Variants in C11orf65 observed in about 807,000 individuals in gnomAD.
The protein encoded by C11orf65 is protein MFI.
Under a neutral mutation model 35.3 loss-of-function variants are expected in C11orf65, and 38 were observed. The observed-to-expected ratio is 1.08, with a 90% CI of 0.83 to 1.41. The LOEUF is 1.41. C11orf65 is among the 40% of genes most tolerant of loss of function. The probability of loss-of-function intolerance (pLI) is 0.00; values close to 1 mark genes in which losing one functional copy is unlikely to be tolerated. For missense variants in C11orf65, 370 were observed against 367.1 expected, an observed-to-expected ratio of 1.01 and a Z score of -0.06; for synonymous variants, 105 against 114.4, an observed-to-expected ratio of 0.92 and a Z score of 0.53.
chr11:108,344,197 C>T (rs1298366409), intron 2 of C11orf65, among the ~76,000 whole-genome samples: 1 of 152,062 alleles, frequency 6.6e-6, no homozygotes, highest in Non-Finnish European at 1.5e-5. Flanking sequence ...GTACAGGGCA[C>T]ACAGGGTACA....
chr11:108,442,355 T>C (rs2093168538), intron 2 of C11orf65, among the ~76,000 whole-genome samples: 1 of 152,216 alleles, frequency 6.6e-6, no homozygotes, highest in African/African-American at 2.4e-5. Context: ...CTGATTGGTG[T>C]ACCTGAAAGT....
intron 2 of C11orf65, among the ~76,000 whole-genome samples, chr11:108,461,104 TA>T (rs546480247): frequency 2.4e-4 from 36 of 152,058 alleles, no homozygotes; most frequent in Non-Finnish European, 3.4e-4. Context: ...ACACTTTATA[TA>T]AAAAGTATTG....
chr11:108,461,374 T>C lies in C11orf65; in HGVS notation c.81+105A>G, dbSNP rs1021548634. 13 of 866,806 alleles carry C rather than the reference T, an allele frequency of 1.5e-5. No homozygotes were observed. In the South Asian group the frequency reaches 1.8e-4, roughly 12 times the overall value. 53.7% of individuals were successfully genotyped at this position (866,806 alleles called of 1,614,324 possible). A position where few individuals can be genotyped will look rare whatever the true frequency, so the allele number is the denominator to read the frequency against. On this transcript the variant is annotated intron_variant, in intron 2 of 8. Transcript: ENST00000393084. ...AATATCATGCCACTGCACTCCAGCCTAGGCAACAGAGAGAGATTCTGTCTT... is the reference window on the plus strand; with the variant it reads ...AATATCATGCCACTGCACTCCAGCCCAGGCAACAGAGAGAGATTCTGTCTT...
intron 3 of C11orf65, among the ~76,000 whole-genome samples, chr11:108,412,420 G>A (rs1326565627): frequency 1.3e-5 from 2 of 151,938 alleles, no homozygotes; most frequent in Non-Finnish European, 2.9e-5. Flanking sequence ...CAATTACAAA[G>A]GGCAGATCAG....
chr11:108,330,100 T>C, downstream of C11orf65: 1 of 1,185,182 alleles, frequency 8.4e-7, no homozygotes, highest in African/African-American at 1.5e-5. Context: ...AGTTTGCTTT[T>C]TTCCCTGGGA....
chr11:108,354,184 C>G (rs916590777), intron 2 of C11orf65, among the ~76,000 whole-genome samples: 2 of 151,986 alleles, frequency 1.3e-5, no homozygotes, highest in African/African-American at 4.8e-5. Flanking sequence ...AAGGAAAAGA[C>G]CCTGGGTAAA....
intron 8 of C11orf65, among the ~76,000 whole-genome samples, chr11:108,383,973 C>T (rs1424344682): frequency 6.6e-5 from 10 of 151,932 alleles, no homozygotes; most frequent in Admixed American, 5.9e-4. Flanking sequence ...AACAACTCTC[C>T]CGCCTCAGCT....
intron 6 of C11orf65, among the ~76,000 whole-genome samples, chr11:108,395,325 T>A (rs1265699601): frequency 6.6e-5 from 10 of 151,294 alleles, no homozygotes; most frequent in Non-Finnish European, 1.5e-4. Flanking sequence ...AACCTGTCTC[T>A]ACAATTTTTT....
At chr11:108,326,992 A>AT (rs1266018310), downstream of C11orf65, among the ~76,000 whole-genome samples, 1 of 151,716 alleles carries the variant, frequency 6.6e-6, no homozygotes, top group Non-Finnish European at 1.5e-5. Context: ...TGCCCAGCTA[A>AT]TTTTTTTGTA....
rs2086293039 is a variant in C11orf65, at chr11:108,331,919, T to G, written c.300-352A>C. On this transcript the variant is annotated intron_variant, in intron 3 of 3. Coordinates refer to the C11orf65 transcript ENST00000524755. ...TCAATGGATCACCCCCATCACACTT[T>G]GTTTATTATACTGGCCTTAGCAAAT... 2 of 1,613,898 alleles carry G rather than the reference T, an allele frequency of 1.2e-6. No homozygotes were observed. Among genetic ancestry groups the G allele is most frequent in the Non-Finnish European group, 1.7e-6 (2 of 1,179,920 alleles).
At chr11:108,312,746 T>A (rs185949204) in intron 6 of C11orf65, among the ~76,000 whole-genome samples, 67 of 152,320 alleles carry the variant, frequency 4.4e-4, no homozygotes, top group Middle Eastern at 3.4e-3. Flanking sequence ...TGTCTCAGAG[T>A]TTATGCCATG....
chr11:108,467,165 TG>T (rs1337628298), intron 1 of C11orf65, among the ~76,000 whole-genome samples: 1 of 151,856 alleles, frequency 6.6e-6, no homozygotes, highest in Non-Finnish European at 1.5e-5. Context: ...GATTGGGGTG[TG>T]GGGATCTGTG....
rs2091898894 is a variant in C11orf65 at position 108,383,066 on chromosome 11, T to C, written c.897A>G (p.Glu299=). ...DDTYYENVYQ[E]PNVTRLTPDS... is the part of the protein sequence containing the mutation. ...CAGGCGTTAATCTAGTTACATTTGG[T>C]TCTTGATAAACATTTTCATAGTAAG... Residue 299 remains glutamate (E), a synonymous_variant, in exon 9 of 9, where the codon GAA becomes GAG. Transcript: ENST00000393084. 2 of 1,611,924 alleles carry C rather than the reference T, an allele frequency of 1.2e-6. No homozygotes were observed. Among genetic ancestry groups the C allele is most frequent in the Non-Finnish European group, 8.5e-7 (1 of 1,179,216 alleles).
chr11:108,450,442 C>T (rs556318828), intron 2 of C11orf65, among the ~76,000 whole-genome samples: 2 of 151,476 alleles, frequency 1.3e-5, no homozygotes, highest in Non-Finnish European at 2.9e-5. Context: ...TACTATGCAG[C>T]CATAAAAAAT....
intron 2 of C11orf65, among the ~76,000 whole-genome samples, chr11:108,455,472 C>A (rs1263096849): frequency 2.0e-5 from 3 of 152,150 alleles, no homozygotes; most frequent in Non-Finnish European, 4.4e-5. Flanking sequence ...AAAAGTAAAA[C>A]TGTCATCATT....
At chr11:108,337,550 T>A (rs2086982454) in intron 2 of C11orf65, among the ~76,000 whole-genome samples, 1 of 152,214 alleles carries the variant, frequency 6.6e-6, no homozygotes, top group Admixed American at 6.5e-5. Context: ...AACCTGTGAA[T>A]GTGCGTTTCT....
upstream of C11orf65, among the ~76,000 whole-genome samples, chr11:108,469,319 T>G (rs2093563682): frequency 6.6e-6 from 1 of 151,758 alleles, no homozygotes; most frequent in African/African-American, 2.4e-5. Context: ...TTATGTATAT[T>G]TTACCACAAT....
intron 3 of C11orf65, among the ~76,000 whole-genome samples, chr11:108,407,931 C>CAAAAAAAAAA (rs1215650401): frequency 4.4e-5 from 1 of 22,674 alleles, no homozygotes; most frequent in Non-Finnish European, 1.0e-4. Flanking sequence ...GACTCTGTCT[C>CAAAAAAAAAA]AAAAAAAAAA....
At chr11:108,437,918 G>A (rs73547063) in intron 2 of C11orf65, among the ~76,000 whole-genome samples, 2,679 of 151,958 alleles carry the variant, frequency 0.018, 77 homozygotes, top group African/African-American at 0.06. Flanking sequence ...GAACACAAGG[G>A]ACCCTGAATA....
Sources: gnomAD v4.1 joint callset for allele counts (sites outside exome capture counted in the v4.1 genomes callset) on GRCh38, gnomAD v4.1.1 for gene constraint, MANE v1.5 for transcripts, NCBI Gene and HGNC (gene_info 2026-07-23, HGNC 2026-07-21) for gene names.